Variants in ANO4 observed in about 807,000 individuals in gnomAD.
The protein encoded by ANO4 is anoctamin-4.
ANO4 carries 69 observed loss-of-function variants against 141.9 expected under a neutral mutation model. The observed-to-expected ratio is 0.49, with a 90% confidence interval of 0.40 to 0.59. The LOEUF (loss-of-function observed/expected upper bound fraction) is 0.59, where lower values mean the gene tolerates loss of function less well. Ranked by LOEUF, ANO4 falls within the 20% of genes least tolerant of loss-of-function variation. The probability of loss-of-function intolerance (pLI) is 0.00; values close to 1 mark genes in which losing one functional copy is unlikely to be tolerated. For synonymous variants in ANO4, 350 were observed against 394.3 expected (o/e 0.89, Z 1.33); for missense variants, 894 against 1,162.2 (o/e 0.77, Z 3.36).
chr12:101,001,642 G>A (rs145399687), intron 8 of ANO4, among the ~76,000 whole-genome samples: 1 of 152,208 alleles, frequency 6.6e-6, no homozygotes, highest in East Asian at 1.9e-4. Flanking sequence ...CTACCTGGGA[G>A]GCTACTGGTA....
At chr12:101,009,533 G>A (rs2136439493) in intron 8 of ANO4, among the ~76,000 whole-genome samples, 1 of 152,190 alleles carries the variant, frequency 6.6e-6, no homozygotes, top group East Asian at 1.9e-4. Flanking sequence ...TTAAGTTCTT[G>A]ATCTTTTAAC....
chr12:100,940,622 A>G (rs2042470646), intron 4 of ANO4, among the ~76,000 whole-genome samples: 2 of 152,214 alleles, frequency 1.3e-5, no homozygotes, highest in Admixed American at 6.5e-5. Context: ...GACATGGTAC[A>G]TGGTCATTCC....
At chr12:100,846,635 G>A (rs2037573251) in intron 1 of ANO4, among the ~76,000 whole-genome samples, 1 of 152,132 alleles carries the variant, frequency 6.6e-6, no homozygotes. Flanking sequence ...TTATGCTCTA[G>A]AGCTAATTAT....
At chr12:101,011,784 A>G (rs1437903194) in intron 8 of ANO4, among the ~76,000 whole-genome samples, 1 of 152,176 alleles carries the variant, frequency 6.6e-6, no homozygotes, top group Non-Finnish European at 1.5e-5. Flanking sequence ...CTACTTTGCC[A>G]CATGCCTTAA....
At chr12:101,085,558 T>G (rs2049456811) in intron 16 of ANO4, among the ~76,000 whole-genome samples, 1 of 152,170 alleles carries the variant, frequency 6.6e-6, no homozygotes, top group Non-Finnish European at 1.5e-5. Flanking sequence ...TACACTATTT[T>G]ATAGAATGGA....
chr12:100,889,081 C>T (rs1490117703), intron 1 of ANO4, among the ~76,000 whole-genome samples: 2 of 139,818 alleles, frequency 1.4e-5, no homozygotes, highest in African/African-American at 5.4e-5. Flanking sequence ...CTTCCTGTGT[C>T]CATGTGTTCT....
chr12:100,916,664 C>T (rs2041356820), intron 2 of ANO4, among the ~76,000 whole-genome samples: 1 of 152,046 alleles, frequency 6.6e-6, no homozygotes, highest in Non-Finnish European at 1.5e-5. Context: ...AAAACATATA[C>T]TATAGAAAAG....
At chr12:100,761,204 G>C (rs1302368841) in intron 3 of ANO4, among the ~76,000 whole-genome samples, 1 of 152,054 alleles carries the variant, frequency 6.6e-6, no homozygotes, top group East Asian at 1.9e-4. Context: ...AGGAAGGAAG[G>C]CATCTGTCTA....
At chr12:100,807,824 C>T (rs1270966840) in intron 1 of ANO4, among the ~76,000 whole-genome samples, 1 of 152,164 alleles carries the variant, frequency 6.6e-6, no homozygotes, top group Non-Finnish European at 1.5e-5. Context: ...TCTGTTCCTG[C>T]ATTAGTTTGC....
chr12:101,002,808 A>G (rs2045707592), intron 8 of ANO4, among the ~76,000 whole-genome samples: 1 of 152,186 alleles, frequency 6.6e-6, no homozygotes, highest in South Asian at 2.1e-4. Context: ...TCAGCAGCCA[A>G]AAGTAATTAG....
intron 1 of ANO4, among the ~76,000 whole-genome samples, chr12:100,837,699 G>A (rs1011663006): frequency 1.2e-4 from 18 of 145,446 alleles, no homozygotes; most frequent in Admixed American, 7.0e-4. Flanking sequence ...CAGTCTGGGT[G>A]GCTGAGGGAG....
At chr12:100,798,735 A>G (rs1308923379) in intron 1 of ANO4, among the ~76,000 whole-genome samples, 1 of 152,248 alleles carries the variant, frequency 6.6e-6, no homozygotes, top group Admixed American at 6.5e-5. Flanking sequence ...AAAGGGGAAC[A>G]TTCTTCCTAT....
intron 17 of ANO4, among the ~76,000 whole-genome samples, chr12:101,090,528 C>A (rs1394647494): frequency 1.3e-5 from 2 of 152,108 alleles, no homozygotes; most frequent in Non-Finnish European, 2.9e-5. Context: ...TGTTCTCACT[C>A]ATAGGTGGGA....
intron 3 of ANO4, among the ~76,000 whole-genome samples, chr12:100,779,908 C>T (rs1593316948): frequency 6.6e-6 from 1 of 151,980 alleles, no homozygotes; most frequent in East Asian, 1.9e-4. Flanking sequence ...TTTCATGCTC[C>T]AAAAATACTT....
intron 13 of ANO4, among the ~76,000 whole-genome samples, 191 bp downstream of exon 13, chr12:101,043,826 G>A (rs1412559715): frequency 1.3e-5 from 2 of 152,282 alleles, no homozygotes; most frequent in African/African-American, 4.8e-5. Flanking sequence ...GGAAGGCATG[G>A]CTCTAGACAT....
Position 100,986,583 on chromosome 12 carries a change from T to A in ANO4, c.603-956T>A, listed in dbSNP as rs562054501. On this transcript the variant is annotated intron_variant, in intron 7 of 27. Transcript: ENST00000392977. ...ACAGTAAATTAGCCATAACATTCAC[T>A]GAAAAGAATACATTGCCATGTAAAT... Among the ~76,000 whole-genome samples the A allele has an allele frequency of 1.5e-4, 23 of 152,286 alleles. No individual in the cohort carries two copies. In the East Asian group the frequency reaches 4.1e-3, roughly 27 times the overall value.
At position 100,988,861 on chromosome 12, in the gene ANO4, ACT is replaced by A. The variant is rs569143263; in HGVS notation, c.734+1194_734+1195del. 3.8e-3 allele frequency among the ~76,000 whole-genome samples: 386 copies of A among 102,224 alleles called. 5 individuals are homozygous for A. Among genetic ancestry groups the A allele is most frequent in the African/African-American group, 0.013 (359 of 26,768 alleles). The allele number at this position is 102,224 out of a possible 152,430, so 67.1% of individuals were successfully genotyped here. The stretch of plus-strand genomic sequence containing the variant: ...ACTCCAGCCTGGGTGACAGAGTGAG[ACT>A]CTGTCTCAGAAAAAAAAAAAAAAAA... On this transcript the variant is annotated intron_variant, in intron 8 of 27. Transcript: ENST00000392977.
At chr12:101,044,405 T>C (rs1400493685) in intron 13 of ANO4, among the ~76,000 whole-genome samples, 4 of 152,268 alleles carry the variant, frequency 2.6e-5, no homozygotes, top group African/African-American at 9.6e-5. Context: ...TTCTTAGACA[T>C]ATTCCTCACA....
intron 1 of ANO4, among the ~76,000 whole-genome samples, chr12:100,895,070 C>T (rs371947393): frequency 9.9e-5 from 15 of 151,636 alleles, no homozygotes; most frequent in African/African-American, 2.7e-4. Context: ...GGTCAATGTT[C>T]CAGGAAGGCG....
Sources: gnomAD v4.1 joint callset for allele counts (sites outside exome capture counted in the v4.1 genomes callset) on GRCh38, gnomAD v4.1.1 for gene constraint, MANE v1.5 for transcripts, NCBI Gene and HGNC (gene_info 2026-07-23, HGNC 2026-07-21) for gene names.